The following C2CD3 variants were observed in gnomAD, a reference collection of about 807,000 sequenced individuals.
C2CD3 encodes the protein C2 domain-containing protein 3.
In C2CD3, 148 loss-of-function variants were observed where a neutral mutation model predicts 234.0. That is an observed-to-expected ratio of 0.63 (90% CI 0.55 to 0.72). The LOEUF is 0.72. Among genes scored for constraint, C2CD3 ranks in the 30% least tolerant of loss-of-function variants. The pLI, the probability that C2CD3 is intolerant of heterozygous loss-of-function variation, is 0.00. For synonymous variants in C2CD3, 1,000 were observed against 1,035.4 expected (o/e 0.97, Z 0.66); for missense variants, 2,577 against 2,811.5 (o/e 0.92, Z 1.89).
chr11:74,036,245 A>C (rs1339631084), intron 30 of C2CD3: 1 of 329,430 alleles, frequency 3.0e-6, no homozygotes, highest in East Asian at 7.5e-5. Flanking sequence ...ACAAGCCTTC[A>C]TCTGTTTTGC....
At chr11:74,048,413 T>C in intron 27 of C2CD3, 75 bp from the exon 28 acceptor site, 2 of 1,479,482 alleles carry the variant, frequency 1.4e-6, no homozygotes, top group South Asian at 1.3e-5. Flanking sequence ...ATAAATAAGT[T>C]TGTAAAATTT....
intron 5 of C2CD3, among the ~76,000 whole-genome samples, chr11:74,137,567 TTA>T (rs201223239): frequency 6.7e-6 from 1 of 149,452 alleles, no homozygotes; most frequent in Non-Finnish European, 1.5e-5. Context: ...TTTTGGAATT[TTA>T]TATATATATA....
Position 74,033,658 on chromosome 11 carries a change from C to G in C2CD3, c.6502G>C (p.Ala2168Pro). ...GGGATGGGCTGAGGGTTGGCTGAGGCAGACTCGCCACCAACCCTGGCCTTA... is the reference window on the plus strand; with the variant it reads ...GGGATGGGCTGAGGGTTGGCTGAGGGAGACTCGCCACCAACCCTGGCCTTA... ...ASKARVGGES[A>P]SANPQPIPCP... Residue 2168 changes from alanine to proline, a missense_variant, in exon 31 of 33, where the codon GCC becomes CCC. Ala to Pro is a conservative substitution (Grantham distance 27). Transcript: ENST00000334126. 1 of 1,536,242 alleles carries G rather than the reference C, an allele frequency of 6.5e-7. No individual in the cohort carries two copies. The highest frequency in any genetic ancestry group is 8.7e-7 in the Non-Finnish European group (1 of 1,146,914).
In C2CD3 at chr11:74,033,702, G is replaced by A. The variant is rs145641168; in HGVS notation, c.6458C>T (p.Ala2153Val). 540 of 1,536,382 alleles carry A rather than the reference G, an allele frequency of 3.5e-4. 2 individuals carry two copies. In the African/African-American group the frequency reaches 6.6e-3, roughly 19 times the overall value. Residue 2153 changes from alanine to valine, a missense_variant, in exon 31 of 33, where the codon GCT becomes GTT. Coordinates refer to ENST00000334126, the MANE Select transcript of C2CD3 (RefSeq NM_001286577.2). ...RQGSPSQSLV[A>V]CECEASKARV... ...GGCCTTAGAGGCCTCACACTCACAAGCAACAAGACTTTGGCTAGGAGAACC... is the reference window on the plus strand; with the variant it reads ...GGCCTTAGAGGCCTCACACTCACAAACAACAAGACTTTGGCTAGGAGAACC...
intron 20 of C2CD3, among the ~76,000 whole-genome samples, chr11:74,087,326 G>A (rs975900397): frequency 6.6e-6 from 1 of 152,264 alleles, no homozygotes; most frequent in Non-Finnish European, 1.5e-5. Context: ...CACTTTGGGA[G>A]GCTGAGGTGG....
intron 14 of C2CD3, among the ~76,000 whole-genome samples, chr11:74,101,182 T>C (rs1956301988): frequency 2.0e-5 from 3 of 152,216 alleles, no homozygotes; most frequent in African/African-American, 7.2e-5. Flanking sequence ...CAAAGCCAAC[T>C]GCTCCTCTGG....
chr11:74,091,079 A>T, intron 19 of C2CD3, 143 bp from the exon 20 acceptor site: 1 of 754,346 alleles, frequency 1.3e-6, no homozygotes, highest in Non-Finnish European at 2.1e-6. Flanking sequence ...TCCTTGTCAT[A>T]ATCACATTGT....
rs1956373222 is a variant in C2CD3 at position 74,103,070 on chromosome 11, T to C, written c.2580+61A>G. On this transcript the variant is annotated intron_variant, in intron 14 of 32. Transcript: ENST00000334126. Reference sequence around the variant, plus strand: ...CTAGATTTAAGACGAAATAATAATTTGGGAGGCATTTGTCTCTCACCCCTA... The same window carrying C: ...CTAGATTTAAGACGAAATAATAATTCGGGAGGCATTTGTCTCTCACCCCTA... 5 of 1,449,278 alleles carry C rather than the reference T, an allele frequency of 3.4e-6. No individual in the cohort carries two copies. The Admixed American group carries it at 1.1e-4, about 31-fold the overall frequency. 89.8% of individuals were successfully genotyped at this position (1,449,278 alleles called of 1,614,324 possible). A position where few individuals can be genotyped will look rare whatever the true frequency, so the allele number is the denominator to read the frequency against.
intron 26 of C2CD3, among the ~76,000 whole-genome samples, chr11:74,053,405 C>A (rs1047622733): frequency 3.3e-5 from 5 of 152,260 alleles, no homozygotes; most frequent in African/African-American, 1.2e-4. Context: ...TAAATATGCA[C>A]AGATAAGTCA....
intron 2 of C2CD3, among the ~76,000 whole-genome samples, chr11:74,162,397 TAC>T (rs1403560852): frequency 2.6e-5 from 4 of 152,264 alleles, no homozygotes; most frequent in African/African-American, 9.6e-5. Context: ...TGTGTAAAGA[TAC>T]ACAAGAGACT....
intron 26 of C2CD3, among the ~76,000 whole-genome samples, chr11:74,051,642 C>A (rs1953696317): frequency 6.6e-6 from 1 of 152,216 alleles, no homozygotes; most frequent in East Asian, 1.9e-4. Flanking sequence ...CCTCTGACTA[C>A]AGTAAAAATC....
At chr11:74,077,242 TGTGATTACAA>T (rs1955076283) in intron 23 of C2CD3, among the ~76,000 whole-genome samples, 1 of 152,040 alleles carries the variant, frequency 6.6e-6, no homozygotes, top group African/African-American at 2.4e-5. Flanking sequence ...CTCTTATATA[TGTGATTACAA>T]GTAGTTCCCT....
intron 24 of C2CD3, among the ~76,000 whole-genome samples, chr11:74,059,237 C>T (rs1436811152): frequency 2.0e-5 from 3 of 151,688 alleles, no homozygotes; most frequent in East Asian, 1.9e-4. Context: ...GGTGAAACCC[C>T]GTCTCTACTA....
chr11:74,088,680 T>C (rs1955760303), intron 20 of C2CD3, among the ~76,000 whole-genome samples: 1 of 152,256 alleles, frequency 6.6e-6, no homozygotes, highest in Admixed American at 6.5e-5. Context: ...TAAATGCTAG[T>C]TAATTTAATG....
In C2CD3 at chr11:74,139,781, A is replaced by C; in HGVS notation, c.531T>G (p.His177Gln). ...CTGTCATGTCAGTGGTAGGAAGTGG[A>C]TGGTAGCTGTCGTAAGTTTCTGACA... Reference protein sequence around the residue: ...EPLSETYDSYHPLPTTDMTEN... With the variant: ...EPLSETYDSYQPLPTTDMTEN... Residue 177 changes from histidine (H) to glutamine (Q), a missense_variant, in exon 4 of 33, where the codon CAT becomes CAG. By Grantham distance (24) the His-to-Gln change is conservative (BLOSUM62 0). Transcript: ENST00000334126. 1 of 1,613,762 alleles carries C rather than the reference A, an allele frequency of 6.2e-7. No homozygotes were observed. Among genetic ancestry groups the C allele is most frequent in the Non-Finnish European group, 8.5e-7 (1 of 1,179,672 alleles).
At chr11:74,028,471 G>A in intron 31 of C2CD3, 73 bp from the exon 32 acceptor site, 1 of 866,030 alleles carries the variant, frequency 1.2e-6, no homozygotes, top group Non-Finnish European at 1.8e-6. Context: ...CATCTCCACT[G>A]ACCATTCACT....
intron 13 of C2CD3, 142 bp downstream of exon 13, chr11:74,106,229 T>G (rs754027845): frequency 1.4e-6 from 1 of 716,652 alleles, no homozygotes; most frequent in African/African-American, 1.8e-5. Flanking sequence ...ATTTCCTTCA[T>G]AGTACTTCCA....
intron 3 of C2CD3, among the ~76,000 whole-genome samples, chr11:74,145,086 T>C (rs568037306): frequency 2.0e-5 from 3 of 152,340 alleles, no homozygotes; most frequent in African/African-American, 4.8e-5. Context: ...CAATACTCAG[T>C]AGTGGGACTG....
In C2CD3 at chr11:74,170,825, T is replaced by A. The variant is rs1590999818; in HGVS notation, c.-33A>T. On this transcript the variant is annotated 5_prime_UTR_variant, in exon 1 of 33. Transcript: ENST00000334126. ...CCGAGCTCTTCTTCACCAGCTCAAC[T>A]CCGTCTCCAGCACCTAAGCAGTATC... The A allele has an allele frequency of 6.2e-6, 10 of 1,613,938 alleles. No individual in the cohort carries two copies. In the East Asian group the frequency reaches 2.0e-4, roughly 32 times the overall value.
Sources: allele counts gnomAD v4.1 joint callset (sites outside exome capture counted in the v4.1 genomes callset), GRCh38; gene constraint gnomAD v4.1.1; transcripts MANE v1.5; gene names NCBI Gene and HGNC (gene_info 2026-07-23, HGNC 2026-07-21).